ROBO2: variants seen among roughly 807,000 people sequenced by gnomAD.
The protein encoded by ROBO2 is roundabout homolog 2.
In ROBO2, 53 loss-of-function variants were observed where a neutral mutation model predicts 160.8. The ratio of observed to expected loss-of-function variants is 0.33; its 90% CI spans 0.26 to 0.41. The LOEUF (loss-of-function observed/expected upper bound fraction) is 0.41. Ranked by LOEUF, ROBO2 falls within the 10% of genes least tolerant of loss-of-function variation. The probability of loss-of-function intolerance (pLI) is 1.00; values close to 1 mark genes in which losing one functional copy is unlikely to be tolerated. For missense variants in ROBO2, 1,577 were observed against 1,722.4 expected (o/e 0.92, Z 1.49); for synonymous variants, 664 against 611.7 (o/e 1.09, Z -1.26).
chr3:76,348,733 A>T (rs2074688393), intron 2 of ROBO2, among the ~76,000 whole-genome samples: 1 of 152,108 alleles, frequency 6.6e-6, no homozygotes, highest in Non-Finnish European at 1.5e-5. Context: ...GGAGGAATTT[A>T]TCCACAGAGA....
chr3:75,987,919 G>T lies in ROBO2; in HGVS notation c.109+50317G>T, dbSNP rs116757388. Among the ~76,000 whole-genome samples, 942 of 151,990 alleles carry T rather than the reference G, an allele frequency of 6.2e-3. 10 individuals carry two copies. Among genetic ancestry groups the T allele is most frequent in the African/African-American group, 0.021 (885 of 41,510 alleles). On this transcript the variant is annotated intron_variant, in intron 2 of 26. Coordinates refer to the ROBO2 transcript ENST00000487694. Reference sequence around the variant, plus strand: ...GTCATTCTAATATGCTGCTGAATTTGGTTTGCTAGTATTTTGTGGAGGATT... The same window carrying T: ...GTCATTCTAATATGCTGCTGAATTTTGTTTGCTAGTATTTTGTGGAGGATT...
intron 2 of ROBO2, among the ~76,000 whole-genome samples, chr3:76,903,025 C>A (rs1442112159): frequency 6.6e-6 from 1 of 151,822 alleles, no homozygotes; most frequent in African/African-American, 2.4e-5. Flanking sequence ...TCTTGTTTTA[C>A]AAGGAATATT....
intron 2 of ROBO2, among the ~76,000 whole-genome samples, chr3:76,102,223 A>T (rs990569784): frequency 1.3e-5 from 2 of 152,206 alleles, no homozygotes; most frequent in Admixed American, 6.5e-5. Flanking sequence ...GATTTTGAAG[A>T]CTTGCGTGGA....
chr3:77,329,473 C>T (rs1251922477), intron 2 of ROBO2, among the ~76,000 whole-genome samples: 2 of 152,170 alleles, frequency 1.3e-5, no homozygotes, highest in Non-Finnish European at 2.9e-5. Flanking sequence ...ACAGAATAAC[C>T]TTCACATTAA....
chr3:76,303,349 G>T (rs150265455), intron 2 of ROBO2, among the ~76,000 whole-genome samples: 114 of 152,162 alleles, frequency 7.5e-4, no homozygotes, highest in African/African-American at 2.6e-3. Context: ...AATTGTGTGT[G>T]TGTGTGTGTG....
At chr3:76,153,842 T>G (rs182461897) in intron 2 of ROBO2, among the ~76,000 whole-genome samples, 1 of 152,268 alleles carries the variant, frequency 6.6e-6, no homozygotes, top group East Asian at 1.9e-4. Flanking sequence ...CTTGCATCAC[T>G]TTTATTCACA....
At chr3:76,697,880 G>A (rs1020341659) in intron 2 of ROBO2, among the ~76,000 whole-genome samples, 9 of 152,126 alleles carry the variant, frequency 5.9e-5, no homozygotes, top group Admixed American at 3.9e-4. Flanking sequence ...TCTACAGAGA[G>A]CAGGTGGCAT....
chr3:77,337,598 C>T (rs930057319), intron 2 of ROBO2, among the ~76,000 whole-genome samples: 1 of 152,114 alleles, frequency 6.6e-6, no homozygotes, highest in Admixed American at 6.6e-5. Context: ...TATATTGTTA[C>T]TTTATTTTAT....
intron 2 of ROBO2, among the ~76,000 whole-genome samples, chr3:77,424,779 A>G (rs1484705671): frequency 6.6e-6 from 1 of 152,164 alleles, no homozygotes; most frequent in Non-Finnish European, 1.5e-5. Context: ...TGAAGTCACA[A>G]AGAGAAGGGT....
intron 8 of ROBO2, among the ~76,000 whole-genome samples, chr3:77,551,595 C>G (rs2092923950): frequency 6.6e-6 from 1 of 151,998 alleles, no homozygotes; most frequent in Non-Finnish European, 1.5e-5. Flanking sequence ...TTTTTCCCAG[C>G]AGTTTATTTG....
At chr3:76,961,923 G>A (rs1397772203) in intron 2 of ROBO2, among the ~76,000 whole-genome samples, 1 of 152,128 alleles carries the variant, frequency 6.6e-6, no homozygotes, top group Non-Finnish European at 1.5e-5. Flanking sequence ...AATACGCCTG[G>A]TGAGATGGCT....
intron 2 of ROBO2, among the ~76,000 whole-genome samples, chr3:77,029,872 G>T (rs1488749959): frequency 6.6e-6 from 1 of 151,604 alleles, no homozygotes; most frequent in Non-Finnish European, 1.5e-5. Context: ...TATGAATAAG[G>T]TTTCTTTATT....
chr3:77,309,565 A>G (rs934406860), intron 2 of ROBO2, among the ~76,000 whole-genome samples: 1 of 152,248 alleles, frequency 6.6e-6, no homozygotes, highest in Admixed American at 6.5e-5. Context: ...AGTTTAGTAC[A>G]TAAAAATACT....
chr3:76,938,400 A>G (rs1198893734), intron 2 of ROBO2, among the ~76,000 whole-genome samples: 5 of 143,378 alleles, frequency 3.5e-5, no homozygotes, highest in Non-Finnish European at 7.6e-5. Flanking sequence ...TCATCTCTGT[A>G]TGTCTTTACT....
At chr3:76,988,788 C>T (rs918701937) in intron 2 of ROBO2, among the ~76,000 whole-genome samples, 1 of 152,058 alleles carries the variant, frequency 6.6e-6, no homozygotes, top group African/African-American at 2.4e-5. Flanking sequence ...GCAGTTTGTG[C>T]TTCGAGACAT....
chr3:76,141,078 A>ATATATATATATAT lies in ROBO2; in HGVS notation c.109+203476_109+203477insTATATATATATAT, dbSNP rs1559585714. On this transcript the variant is annotated intron_variant, in intron 2 of 26. Coordinates refer to the ROBO2 transcript ENST00000487694. ...TTACATACATATATATATATATATA[A>ATATATATATATAT]AATATATGTGCCTGGGTTTATAGGT... is the stretch of plus-strand genomic sequence containing the variant. Among the ~76,000 whole-genome samples the ATATATATATATAT allele has an allele frequency of 6.3e-4, 11 of 17,516 alleles. 1 individual carries two copies. The highest frequency in any genetic ancestry group is 3.3e-4 in the African/African-American group (2 of 6,150). The allele number at this position is 17,516 out of a possible 152,430, so 11.5% of individuals were successfully genotyped here.
At chr3:77,193,181 G>A (rs753406709) in intron 2 of ROBO2, among the ~76,000 whole-genome samples, 4 of 151,738 alleles carry the variant, frequency 2.6e-5, no homozygotes, top group Non-Finnish European at 5.9e-5. Context: ...AAGAAACCAC[G>A]TCCCAGGCGA....
At chr3:76,729,526 G>C (rs1012076241) in intron 2 of ROBO2, among the ~76,000 whole-genome samples, 2 of 151,740 alleles carry the variant, frequency 1.3e-5, no homozygotes, top group Non-Finnish European at 2.9e-5. Flanking sequence ...GGAATTGGAA[G>C]GTTTGGTATG....
intron 2 of ROBO2, among the ~76,000 whole-genome samples, chr3:76,640,985 A>G (rs182987525): frequency 5.4e-4 from 83 of 152,346 alleles, no homozygotes; most frequent in Non-Finnish European, 8.7e-4. Context: ...ATAAATTAAA[A>G]GCTGAATAAA....
Sources: gnomAD v4.1 joint callset for allele counts (sites outside exome capture counted in the v4.1 genomes callset) on GRCh38, gnomAD v4.1.1 for gene constraint, MANE v1.5 for transcripts, NCBI Gene and HGNC (gene_info 2026-07-23, HGNC 2026-07-21) for gene names.